CWF19L2: variants seen among roughly 807,000 people sequenced by gnomAD.
CWF19L2 encodes the protein CWF19 like cell cycle control factor 2, also known as CWF19-like protein 2.
In CWF19L2, 98 loss-of-function variants were observed where a neutral mutation model predicts 111.7. The observed-to-expected ratio is 0.88, with a 90% CI of 0.75 to 1.04. The LOEUF (loss-of-function observed/expected upper bound fraction) is 1.04, where lower values mean the gene tolerates loss of function less well. Ranked by LOEUF, CWF19L2 falls within the 50% of genes least tolerant of loss-of-function variation. The pLI, the probability that CWF19L2 is intolerant of heterozygous loss-of-function variation, is 0.00. For synonymous variants in CWF19L2, 351 were observed against 342.9 expected, an observed-to-expected ratio of 1.02 and a Z score of -0.26; for missense variants, 1,101 against 1,051.4, an observed-to-expected ratio of 1.05 and a Z score of -0.65.
intron 10 of CWF19L2, among the ~76,000 whole-genome samples, chr11:107,409,582 T>C (rs919794170): frequency 1.3e-5 from 2 of 152,100 alleles, no homozygotes; most frequent in East Asian, 1.9e-4. Flanking sequence ...TGTGACTCCA[T>C]TGAAGGATTA....
In CWF19L2 at chr11:107,457,750, C is replaced by T. The variant is rs370212962; in HGVS notation, c.67G>A (p.Glu23Lys). ...TCGGCCCTGGCATTCCGGGTCTGTTCTTTCCGCTCTTCGATACTCTTCGCA... is the reference window on the plus strand; with the variant it reads ...TCGGCCCTGGCATTCCGGGTCTGTTTTTTCCGCTCTTCGATACTCTTCGCA... ...ESAKSIEERK[E>K]QTRNARAEVL... The change falls in exon 1 of 18, where the codon GAA (glutamate) becomes AAA (lysine). Residue 23 changes from glutamate to lysine, a missense_variant. Coordinates refer to ENST00000282251, the MANE Select transcript of CWF19L2 (RefSeq NM_152434.3). 1.9e-6 allele frequency: 3 copies of T among 1,551,622 alleles called. No homozygotes were observed. The highest frequency in any genetic ancestry group is 2.7e-5 in the African/African-American group (2 of 73,060).
chr11:107,443,591 A>G (rs568045908), intron 3 of CWF19L2, among the ~76,000 whole-genome samples: 1 of 152,324 alleles, frequency 6.6e-6, no homozygotes, highest in Admixed American at 6.5e-5. Flanking sequence ...TCAAGCCAAG[A>G]GAAGGCAAAA....
intron 12 of CWF19L2, among the ~76,000 whole-genome samples, chr11:107,382,236 C>T (rs682042): frequency 0.83 from 125,664 of 152,222 alleles, 52,414 homozygotes; most frequent in African/African-American, 0.95. Context: ...TAGCAATAAA[C>T]GATACATGGA....
intron 3 of CWF19L2, 71 bp downstream of exon 3, chr11:107,454,379 T>G (rs1182453053): frequency 8.5e-7 from 1 of 1,172,856 alleles, no homozygotes; most frequent in African/African-American, 1.6e-5. Context: ...GTATTTTAAC[T>G]TCCCATAAGT....
intron 10 of CWF19L2, among the ~76,000 whole-genome samples, chr11:107,394,265 A>AT (rs1012908005): frequency 1.3e-5 from 2 of 152,188 alleles, no homozygotes; most frequent in African/African-American, 4.8e-5. Context: ...AAAGATTATC[A>AT]TTACTTTTCT....
intron 12 of CWF19L2, among the ~76,000 whole-genome samples, chr11:107,361,298 G>C (rs961195233): frequency 6.6e-6 from 1 of 152,120 alleles, no homozygotes; most frequent in African/African-American, 2.4e-5. Flanking sequence ...TTCCTATTCT[G>C]TTCCATTGAT....
At chr11:107,433,364 T>C (rs1165787740) in intron 7 of CWF19L2, among the ~76,000 whole-genome samples, 1 of 152,156 alleles carries the variant, frequency 6.6e-6, no homozygotes. Context: ...ATGCAGACTT[T>C]CCGGCATTGT....
At chr11:107,404,420 G>C in intron 10 of CWF19L2, 1 of 778,768 alleles carries the variant, frequency 1.3e-6, no homozygotes, top group South Asian at 1.3e-5. Context: ...TGGAATTATA[G>C]TACCAGAGGA....
intron 12 of CWF19L2, among the ~76,000 whole-genome samples, chr11:107,381,100 A>G (rs943882104): frequency 1.3e-5 from 2 of 152,174 alleles, no homozygotes; most frequent in African/African-American, 4.8e-5. Flanking sequence ...CTACTGTTTA[A>G]TGGGTATAGA....
chr11:107,435,172 T>C (rs1861522614), intron 6 of CWF19L2, among the ~76,000 whole-genome samples: 1 of 152,158 alleles, frequency 6.6e-6, no homozygotes, highest in Non-Finnish European at 1.5e-5. Flanking sequence ...CGACTTTTCT[T>C]TATAGGCCTA....
At chr11:107,445,690 G>C (rs186540427) in intron 3 of CWF19L2, among the ~76,000 whole-genome samples, 176 of 151,322 alleles carry the variant, frequency 1.2e-3, no homozygotes, top group African/African-American at 4.0e-3. Flanking sequence ...TAATCTCCTG[G>C]ACTCATCTTT....
At chr11:107,433,395 A>G (rs1861492114) in intron 7 of CWF19L2, among the ~76,000 whole-genome samples, 1 of 152,134 alleles carries the variant, frequency 6.6e-6, no homozygotes, top group Non-Finnish European at 1.5e-5. Context: ...TCACAATAAG[A>G]AAATTTTTTT....
intron 12 of CWF19L2, among the ~76,000 whole-genome samples, chr11:107,375,927 G>T (rs1250196213): frequency 1.4e-5 from 1 of 72,408 alleles, no homozygotes; most frequent in Non-Finnish European, 2.5e-5. Context: ...AATGATAAAG[G>T]GGATATCACC....
At chr11:107,416,065 G>A (rs1360311798) in intron 10 of CWF19L2, 144 bp downstream of exon 10, 2 of 206,268 alleles carry the variant, frequency 9.7e-6, no homozygotes, top group Non-Finnish European at 1.9e-5. Context: ...CCACTGCCCT[G>A]CAGCCTGGGC....
At chr11:107,447,671 T>C (rs1394958300) in intron 3 of CWF19L2, among the ~76,000 whole-genome samples, 3 of 152,208 alleles carry the variant, frequency 2.0e-5, no homozygotes, top group Non-Finnish European at 2.9e-5. Flanking sequence ...AGTAATTAAC[T>C]GTATGCCAAA....
chr11:107,355,005 C>A (rs1033588032), intron 12 of CWF19L2, among the ~76,000 whole-genome samples: 1 of 152,196 alleles, frequency 6.6e-6, no homozygotes, highest in African/African-American at 2.4e-5. Flanking sequence ...GTATCACACT[C>A]ATTAACTTGT....
intron 12 of CWF19L2, among the ~76,000 whole-genome samples, chr11:107,387,806 G>A (rs1005834234): frequency 9.9e-5 from 15 of 152,126 alleles, no homozygotes; most frequent in South Asian, 2.1e-4. Flanking sequence ...CAATAATGCC[G>A]ACTGGCCCGC....
intron 17 of CWF19L2, among the ~76,000 whole-genome samples, chr11:107,328,636 T>C (rs779167331): frequency 3.3e-5 from 5 of 152,192 alleles, no homozygotes; most frequent in Non-Finnish European, 7.4e-5. Flanking sequence ...ATGAATAATA[T>C]GTGAAGAAAG....
At chr11:107,443,474 G>A (rs1861660445) in intron 3 of CWF19L2, among the ~76,000 whole-genome samples, 1 of 148,634 alleles carries the variant, frequency 6.7e-6, no homozygotes, top group Non-Finnish European at 1.5e-5. Context: ...CAGAGACTCC[G>A]TCTCAAAAAA....
Sources: allele counts gnomAD v4.1 joint callset (sites outside exome capture counted in the v4.1 genomes callset), GRCh38; gene constraint gnomAD v4.1.1; transcripts MANE v1.5; gene names NCBI Gene and HGNC (gene_info 2026-07-23, HGNC 2026-07-21).